The following CDK10 variants were observed in gnomAD, a reference collection of about 807,000 sequenced individuals.
CDK10 encodes the protein cyclin dependent kinase 10.
Under a neutral mutation model 51.0 loss-of-function variants are expected in CDK10, and 55 were observed. The observed-to-expected ratio is 1.08, with a 90% CI of 0.87 to 1.35. The LOEUF (loss-of-function observed/expected upper bound fraction) is 1.35. CDK10 is among the 40% of genes most tolerant of loss of function. The pLI is 0.00. For missense variants in CDK10, 589 were observed against 485.1 expected (o/e 1.21, Z -2.01); for synonymous variants, 255 against 199.1 (o/e 1.28, Z -2.36).
intron 3 of CDK10, among the ~76,000 whole-genome samples, chr16:89,691,028 G>A (rs1381289048): frequency 6.6e-6 from 1 of 152,242 alleles, no homozygotes; most frequent in African/African-American, 2.4e-5. Flanking sequence ...GCTCATGCCT[G>A]TAATCCCAGC....
At chr16:89,695,257 C>G (rs1230292813) in intron 11 of CDK10, 36 bp from the exon 12 acceptor site, 1 of 1,589,310 alleles carries the variant, frequency 6.3e-7, no homozygotes, top group African/African-American at 1.3e-5. Context: ...GGAAGCCGCA[C>G]TCACAAGTCG....
intron 8 of CDK10, chr16:89,693,943 G>C: frequency 1.7e-6 from 1 of 602,784 alleles, no homozygotes; most frequent in South Asian, 2.0e-5. Flanking sequence ...GCTGTGTGCC[G>C]AGGGTCCGTG....
At chr16:89,694,313 C>T (rs1416409946) in intron 9 of CDK10, 81 bp downstream of exon 9, 18 of 1,432,582 alleles carry the variant, frequency 1.3e-5, no homozygotes, top group Non-Finnish European at 1.7e-5. Context: ...TGAGCTCAGC[C>T]TCAGGGGAGG....
chr16:89,692,633 C>T (rs557337742), intron 6 of CDK10, 117 bp downstream of exon 6: 58 of 638,326 alleles, frequency 9.1e-5, no homozygotes, highest in East Asian at 6.9e-4. Context: ...GCCCGCTGCT[C>T]GCACTCCATT....
At chr16:89,692,417 A>C in intron 5 of CDK10, 32 bp from the exon 6 acceptor site, 1 of 1,502,292 alleles carries the variant, frequency 6.7e-7, no homozygotes, top group South Asian at 1.3e-5. Flanking sequence ...CTGCAGGCTC[A>C]CCCTGACTGG....
chr16:89,691,610 C>T, intron 4 of CDK10, 65 bp downstream of exon 4: 2 of 1,415,932 alleles, frequency 1.4e-6, no homozygotes, highest in Non-Finnish European at 2.0e-6. Context: ...AGAGGTGTTG[C>T]ACAGAGCGAG....
At position 89,695,739 on chromosome 16, in the gene CDK10, C is replaced by T. The variant is rs1416488515; in HGVS notation, c.*47C>T. The T allele has an allele frequency of 1.3e-6, 2 of 1,591,090 alleles. No individual in the cohort carries two copies. The highest frequency in any genetic ancestry group is 1.7e-5 in the Admixed American group (1 of 57,408). Reference sequence around the variant, plus strand: ...GTATTCCCACACCAGGTCTTCCGATCAGTGGTGTCTGTGAAGGGTGCCGCG... The same window carrying T: ...GTATTCCCACACCAGGTCTTCCGATTAGTGGTGTCTGTGAAGGGTGCCGCG... On this transcript the variant is annotated 3_prime_UTR_variant, in exon 13 of 13. Coordinates refer to ENST00000353379, the MANE Select transcript of CDK10 (RefSeq NM_052988.5).
chr16:89,694,674 C>G lies in CDK10; in HGVS notation c.678C>G (p.Gly226=), dbSNP rs374416232. 6 of 1,590,002 alleles carry G rather than the reference C, an allele frequency of 3.8e-6. No homozygotes were observed. The South Asian group carries it at 6.9e-5, about 18-fold the overall frequency. The change falls in exon 10 of 13, where the codon GGC becomes GGG. Residue 226 remains glycine (G), a synonymous_variant. Coordinates refer to ENST00000353379, the MANE Select transcript of CDK10 (RefSeq NM_052988.5). ...CCACTGTTCTCTGCAGGGCTGTGGG[C>G]TGCATACTGGCCGAGCTGCTGGCGC... ...QTTSIDMWAV[G]CILAELLAHR...
At position 89,692,912 on chromosome 16, in the gene CDK10, C is replaced by T. The variant is rs571729636; in HGVS notation, c.486-362C>T. Among the ~76,000 whole-genome samples the T allele has an allele frequency of 7.4e-4, 112 of 151,576 alleles. 1 individual carries two copies. The highest frequency in any genetic ancestry group is 5.9e-3 in the South Asian group (28 of 4,786). Reference sequence around the variant, plus strand: ...CAGCACTTTGGGAGGCCGAGGCAGGCGGATCACGAGGTCAGGAGATCGAGA... The same window carrying T: ...CAGCACTTTGGGAGGCCGAGGCAGGTGGATCACGAGGTCAGGAGATCGAGA... On this transcript the variant is annotated intron_variant, in intron 6 of 12. Transcript: ENST00000353379.
chr16:89,694,518 C>T, intron 9 of CDK10, 147 bp from the exon 10 acceptor site: 1 of 1,421,738 alleles, frequency 7.0e-7, no homozygotes. Context: ...AGCCAGTGGT[C>T]CCTGCCTGTC....
At position 89,691,458 on chromosome 16, in the gene CDK10, G is replaced by T. The variant is rs1422796122; in HGVS notation, c.248G>T (p.Ser83Ile). Residue 83 changes from serine (S) to isoleucine (I), a missense_variant, in exon 4 of 13, where the codon AGC (serine) becomes ATC (isoleucine). By Grantham distance (142) the Ser-to-Ile change is moderately radical (BLOSUM62 -2). Coordinates refer to ENST00000353379, the MANE Select transcript of CDK10 (RefSeq NM_052988.5). Reference protein sequence around the residue: ...DKEKDGIPISSLREITLLLRL... With the variant: ...DKEKDGIPISILREITLLLRL... ...CCCTCCCCAGGCATCCCCATCAGCA[G>T]CTTGCGGGAGATCACGCTGCTGCTC... is the stretch of plus-strand genomic sequence containing the variant. 1 of 1,611,948 alleles carries T rather than the reference G, an allele frequency of 6.2e-7. No individual in the cohort carries two copies. The highest frequency in any genetic ancestry group is 8.5e-7 in the Non-Finnish European group (1 of 1,179,028).
rs1379820438 is a variant in CDK10 at position 89,693,661 on chromosome 16, G to T, written c.608+194G>T. ...TGTGCCACAAAATGGTGAGAGACGG[G>T]CTCAGTGGCGTCAAGGGCCTGCCTA... On this transcript the variant is annotated intron_variant, in intron 8 of 12. Transcript: ENST00000353379. 2.6e-5 allele frequency: 16 copies of T among 612,524 alleles called. No homozygotes were observed. In the East Asian group the frequency reaches 4.4e-4, roughly 17 times the overall value. The allele number at this position is 612,524 out of a possible 1,614,324, so 37.9% of individuals were successfully genotyped here. A position where few individuals can be genotyped will look rare whatever the true frequency, so the allele number is the denominator to read the frequency against.
At chr16:89,694,278 G>A in intron 9 of CDK10, 46 bp downstream of exon 9, 1 of 1,592,244 alleles carries the variant, frequency 6.3e-7, no homozygotes, top group Non-Finnish European at 8.6e-7. Flanking sequence ...GAAGGGCTGG[G>A]ACAGGAGCCG....
intron 2 of CDK10, 79 bp from the exon 3 acceptor site, chr16:89,690,474 G>T: frequency 7.8e-7 from 1 of 1,275,682 alleles, no homozygotes; most frequent in Non-Finnish European, 1.1e-6. Flanking sequence ...CTGTGGCTCA[G>T]GGAGAGCCTC....
chr16:89,687,767 A>T lies in CDK10; in HGVS notation c.87+970A>T, dbSNP rs188986888. 1.1e-5 allele frequency: 4 copies of T among 359,092 alleles called. No individual in the cohort carries two copies. The East Asian group carries it at 3.0e-4, about 27-fold the overall frequency. 22.2% of individuals were successfully genotyped at this position (359,092 alleles called of 1,614,324 possible). A position where few individuals can be genotyped will look rare whatever the true frequency, so the allele number is the denominator to read the frequency against. On this transcript the variant is annotated intron_variant, in intron 1 of 12. Coordinates refer to ENST00000353379, the MANE Select transcript of CDK10 (RefSeq NM_052988.5). The stretch of plus-strand genomic sequence containing the variant: ...TTTGAGTTCAGGAAGTGTGACAAGG[A>T]TTTGGACACCCAGAAATAAGCGTGT...
At chr16:89,687,430 CA>C in intron 1 of CDK10, 1 of 451,046 alleles carries the variant, frequency 2.2e-6, no homozygotes, top group South Asian at 1.6e-5. Flanking sequence ...GCCACGTGTT[CA>C]GTAAGAATCA....
At chr16:89,686,867 C>T (rs2060211383) in intron 1 of CDK10, 70 bp downstream of exon 1, 13 of 1,331,678 alleles carry the variant, frequency 9.8e-6, no homozygotes, top group Non-Finnish European at 1.2e-5. Flanking sequence ...GTCTGGGGAG[C>T]CTCGTGTCGC....
Position 89,686,806 on chromosome 16 carries a change from G to T in CDK10, c.87+9G>T. 6.2e-7 allele frequency: 1 copy of T among 1,605,562 alleles called. No individual in the cohort carries two copies. Among genetic ancestry groups the T allele is most frequent in the Non-Finnish European group, 8.5e-7 (1 of 1,175,630 alleles). On this transcript the variant is annotated intron_variant, in intron 1 of 12. Coordinates refer to ENST00000353379, the MANE Select transcript of CDK10 (RefSeq NM_052988.5). Reference sequence around the variant, plus strand: ...TGCCTCCGGAACACAGGGTGCGCGGGGTGCCACCCGGGCAGCTCTGCCCGC... The same window carrying T: ...TGCCTCCGGAACACAGGGTGCGCGGTGTGCCACCCGGGCAGCTCTGCCCGC...
chr16:89,687,803 A>C (rs2060265872), intron 1 of CDK10: 1 of 352,216 alleles, frequency 2.8e-6, no homozygotes. Context: ...CGAGAAGAGC[A>C]CAAGCAGAGG....
Sources: allele counts gnomAD v4.1 joint callset (sites outside exome capture counted in the v4.1 genomes callset), GRCh38; gene constraint gnomAD v4.1.1; transcripts MANE v1.5; gene names NCBI Gene and HGNC (gene_info 2026-07-23, HGNC 2026-07-21).